RAB40C: variants seen among roughly 807,000 people sequenced by gnomAD.
RAB40C encodes the protein RAB40C, member RAS oncogene family.
RAB40C carries 8 observed loss-of-function variants against 28.1 expected under a neutral mutation model. That is an observed-to-expected ratio of 0.28 (90% CI 0.17 to 0.51). The LOEUF (loss-of-function observed/expected upper bound fraction) is 0.51. Ranked by LOEUF, RAB40C falls within the 20% of genes least tolerant of loss-of-function variation. The probability of loss-of-function intolerance (pLI) is 0.97; values close to 1 mark genes in which losing one functional copy is unlikely to be tolerated. For missense variants in RAB40C, 288 were observed against 405.9 expected (o/e 0.71, Z 2.50); for synonymous variants, 201 against 171.7 (o/e 1.17, Z -1.34).
At chr16:613,401 A>G (rs889377681) in intron 1 of RAB40C, among the ~76,000 whole-genome samples, 4 of 152,128 alleles carry the variant, frequency 2.6e-5, no homozygotes, top group African/African-American at 9.7e-5. Flanking sequence ...CCTCGCCTGT[A>G]GAATCAAGAG....
chr16:595,202 G>A (rs892244297), intron 1 of RAB40C, among the ~76,000 whole-genome samples: 5 of 152,186 alleles, frequency 3.3e-5, no homozygotes, highest in East Asian at 1.9e-4. Context: ...TGCTGCCAGC[G>A]TGTGATGAGT....
chr16:625,031 A>G, intron 3 of RAB40C: 1 of 1,292,456 alleles, frequency 7.7e-7, no homozygotes, highest in Non-Finnish European at 1.0e-6. Context: ...AAATGCCCCC[A>G]CTCAGCTCTG....
intron 1 of RAB40C, among the ~76,000 whole-genome samples, chr16:598,825 C>T (rs959634596): frequency 6.6e-6 from 1 of 152,178 alleles, no homozygotes; most frequent in Admixed American, 6.5e-5. Context: ...GTTTGTACAG[C>T]GGCCGGATGT....
At chr16:589,365 G>A (rs998455043), upstream of RAB40C, 2 of 152,242 alleles carry the variant, frequency 1.3e-5, no homozygotes, top group Admixed American at 1.3e-4. Context: ...CGCGCCCGGG[G>A]CCACCCCGCC....
At chr16:605,948 T>C (rs960477464) in intron 1 of RAB40C, among the ~76,000 whole-genome samples, 1 of 152,258 alleles carries the variant, frequency 6.6e-6, no homozygotes, top group Non-Finnish European at 1.5e-5. Flanking sequence ...TGCTGATGGC[T>C]GCAAGCTTGT....
rs146315547 is a variant in RAB40C at position 593,090 on chromosome 16, G to A, written c.142+2657G>A. Among the ~76,000 whole-genome samples the A allele has an allele frequency of 6.3e-3, 957 of 152,326 alleles. 8 individuals are homozygous for A. The highest frequency in any genetic ancestry group is 0.022 in the African/African-American group (906 of 41,558). ...CAGGAGTCCTGTGGCCTCGAGCAGA[G>A]AAGGAAGCGCCTCTGGGCTGTGGAA... On this transcript the variant is annotated intron_variant, in intron 1 of 5. Transcript: ENST00000248139.
intron 1 of RAB40C, among the ~76,000 whole-genome samples, chr16:611,894 A>T (rs2036494678): frequency 3.3e-5 from 1 of 30,548 alleles, no homozygotes; most frequent in Non-Finnish European, 5.8e-5. Context: ...GGCCTGTAGA[A>T]TCAAGAGCAC....
intron 1 of RAB40C, among the ~76,000 whole-genome samples, chr16:615,928 C>T (rs555834093): frequency 6.6e-6 from 1 of 152,106 alleles, no homozygotes; most frequent in South Asian, 2.1e-4. Flanking sequence ...TGGCACTGCA[C>T]TGCAGCCTGG....
chr16:626,226 G>C (rs936867653), intron 5 of RAB40C, 105 bp downstream of exon 5: 44 of 1,225,304 alleles, frequency 3.6e-5, no homozygotes, highest in Non-Finnish European at 4.6e-5. Flanking sequence ...GTTCAGGCAG[G>C]TCCCTTGGCA....
chr16:624,102 G>T, intron 3 of RAB40C: 1 of 985,464 alleles, frequency 1.0e-6, no homozygotes, highest in Non-Finnish European at 1.2e-6. Context: ...CCTGAGGCTG[G>T]ACATTTAATT....
At position 613,439 on chromosome 16, in the gene RAB40C, C is replaced by G. The variant is rs901877998; in HGVS notation, c.143-3769C>G. Among the ~76,000 whole-genome samples, 3 of 152,268 alleles carry G rather than the reference C, an allele frequency of 2.0e-5. No individual in the cohort carries two copies. In the East Asian group the frequency reaches 5.8e-4, roughly 29 times the overall value. ...GGACTGCCGCCCTGGCCGGTAGAATCAAGAGCACAGTGCAGCAGCACGCAG... is the reference window on the plus strand; with the variant it reads ...GGACTGCCGCCCTGGCCGGTAGAATGAAGAGCACAGTGCAGCAGCACGCAG... On this transcript the variant is annotated intron_variant, in intron 1 of 5. Transcript: ENST00000248139.
At chr16:602,131 C>G (rs2036265577) in intron 1 of RAB40C, among the ~76,000 whole-genome samples, 1 of 152,008 alleles carries the variant, frequency 6.6e-6, no homozygotes, top group African/African-American at 2.4e-5. Context: ...AAACAAAAAA[C>G]TACTGATTTG....
At chr16:617,733 C>T (rs1490359826) in intron 2 of RAB40C, among the ~76,000 whole-genome samples, 1 of 152,120 alleles carries the variant, frequency 6.6e-6, no homozygotes, top group Non-Finnish European at 1.5e-5. Flanking sequence ...GTCCCAGCCA[C>T]TCAGGAGGCT....
At chr16:614,074 C>T (rs1316755307) in intron 1 of RAB40C, among the ~76,000 whole-genome samples, 3 of 151,786 alleles carry the variant, frequency 2.0e-5, no homozygotes, top group Non-Finnish European at 4.4e-5. Context: ...TGCCGTATCC[C>T]GATGGTGAAC....
At chr16:605,522 C>T (rs556378070) in intron 1 of RAB40C, among the ~76,000 whole-genome samples, 95 of 152,374 alleles carry the variant, frequency 6.2e-4, no homozygotes, top group African/African-American at 2.1e-3. Context: ...ACTCATCTGC[C>T]TTGTCTAGTT....
chr16:594,586 G>A (rs1053085570), intron 1 of RAB40C, among the ~76,000 whole-genome samples: 1 of 152,158 alleles, frequency 6.6e-6, no homozygotes, highest in African/African-American at 2.4e-5. Context: ...GCCAATTCCA[G>A]GGGACACTAT....
At chr16:615,306 G>A (rs755392094) in intron 1 of RAB40C, among the ~76,000 whole-genome samples, 22 of 152,202 alleles carry the variant, frequency 1.4e-4, no homozygotes, top group Admixed American at 3.3e-4. Context: ...GAAGGGCACC[G>A]TAGGCAGAGA....
rs1488635781 is a variant in RAB40C at position 590,357 on chromosome 16, C to T, written c.66C>T (p.Asp22=). The part of the protein sequence containing the change: ...DYLLKFLLVG[D]SDVGKGEILE... ...TGCTCAAGTTCCTGCTGGTGGGCGA[C>T]AGCGACGTGGGCAAGGGCGAGATCC... The change falls in exon 1 of 6, where the codon GAC becomes GAT. Residue 22 remains aspartate, a synonymous_variant. Transcript: ENST00000248139. 1.9e-6 allele frequency: 3 copies of T among 1,597,908 alleles called. No homozygotes were observed. Among genetic ancestry groups the T allele is most frequent in the East Asian group, 2.3e-5 (1 of 43,266 alleles).
chr16:590,501 GC>G, intron 1 of RAB40C, 68 bp downstream of exon 1: 1 of 1,411,332 alleles, frequency 7.1e-7, no homozygotes, highest in Non-Finnish European at 9.2e-7. Flanking sequence ...CACGGAGCTC[GC>G]CCTCGGCCCG....
Sources: gnomAD v4.1 joint callset for allele counts (sites outside exome capture counted in the v4.1 genomes callset) on GRCh38, gnomAD v4.1.1 for gene constraint, MANE v1.5 for transcripts, NCBI Gene and HGNC (gene_info 2026-07-23, HGNC 2026-07-21) for gene names.